Variants in SPMIP7 observed in about 807,000 individuals in gnomAD.
The protein encoded by SPMIP7 is sperm microtubule inner protein 7.
the SPMIP7 span, among the ~76,000 whole-genome samples, chr7:50,143,970 T>C: frequency 6.6e-6 from 1 of 152,238 alleles, no homozygotes; most frequent in Non-Finnish European, 1.5e-5. Flanking sequence ...TTAGGTTACA[T>C]ATGTAAATTG....
At chr7:50,132,090 T>TA in the SPMIP7 span, among the ~76,000 whole-genome samples, 1 of 152,078 alleles carries the variant, frequency 6.6e-6, no homozygotes, top group African/African-American at 2.4e-5. Context: ...TGAAAACACT[T>TA]AAAAACATGA....
chr7:50,145,318 A>T, the SPMIP7 span, among the ~76,000 whole-genome samples: 4 of 151,310 alleles, frequency 2.6e-5, no homozygotes, highest in South Asian at 2.1e-4. Flanking sequence ...CCTCTTCAGT[A>T]TAAGATCCAT....
At chr7:50,125,692 C>G in the SPMIP7 span, among the ~76,000 whole-genome samples, 3 of 150,520 alleles carry the variant, frequency 2.0e-5, no homozygotes, top group Non-Finnish European at 4.4e-5. Flanking sequence ...ATGGATGAAC[C>G]TGAAGGACAT....
the SPMIP7 span, among the ~76,000 whole-genome samples, chr7:50,157,870 G>A: frequency 2.0e-5 from 3 of 150,556 alleles, no homozygotes; most frequent in South Asian, 6.4e-4. Context: ...AACTTCACTT[G>A]CAAAGCATTC....
the SPMIP7 span, among the ~76,000 whole-genome samples, chr7:50,119,276 T>G: frequency 6.6e-6 from 1 of 152,196 alleles, no homozygotes; most frequent in Non-Finnish European, 1.5e-5. Context: ...GTTTGAGAAT[T>G]GAAGGTAAAC....
chr7:50,136,184 A>G, the SPMIP7 span: 2 of 1,505,656 alleles, frequency 1.3e-6, no homozygotes, highest in East Asian at 2.5e-5. Context: ...TATCTCCTAA[A>G]GTTCTCACAC....
the SPMIP7 span, among the ~76,000 whole-genome samples, chr7:50,110,578 T>C: frequency 7.0e-6 from 1 of 142,740 alleles, no homozygotes; most frequent in Non-Finnish European, 1.5e-5. Context: ...TAATATTTAC[T>C]ACATTTACAT....
chr7:50,122,748 T>G, the SPMIP7 span, among the ~76,000 whole-genome samples: 1 of 151,944 alleles, frequency 6.6e-6, no homozygotes, highest in East Asian at 1.9e-4. Context: ...CATCAAAAAG[T>G]GGGCAAAGGA....
chr7:50,131,374 A>G, the SPMIP7 span, among the ~76,000 whole-genome samples: 3 of 152,176 alleles, frequency 2.0e-5, no homozygotes, highest in Non-Finnish European at 4.4e-5. Flanking sequence ...AGTTTTACAT[A>G]CATTGAATAT....
the SPMIP7 span, among the ~76,000 whole-genome samples, chr7:50,127,878 G>A: frequency 6.6e-6 from 1 of 151,836 alleles, no homozygotes; most frequent in Non-Finnish European, 1.5e-5. Context: ...ATGTAAATTA[G>A]TACAGTCACT....
the SPMIP7 span, among the ~76,000 whole-genome samples, chr7:50,146,219 G>C: frequency 6.6e-6 from 1 of 152,206 alleles, no homozygotes; most frequent in African/African-American, 2.4e-5. Context: ...GAAGGTGCAA[G>C]TTCTATCCCC....
chr7:50,110,638 A>G, the SPMIP7 span, among the ~76,000 whole-genome samples: 3 of 137,920 alleles, frequency 2.2e-5, no homozygotes, highest in Non-Finnish European at 4.5e-5. Flanking sequence ...TACATATTAT[A>G]TAAATATATT....
At chr7:50,132,191 T>C in the SPMIP7 span, among the ~76,000 whole-genome samples, 1 of 152,110 alleles carries the variant, frequency 6.6e-6, no homozygotes, top group Non-Finnish European at 1.5e-5. Flanking sequence ...GCTTAAAACA[T>C]ACCTGCTTGC....
At chr7:50,125,121 C>CAA in the SPMIP7 span, among the ~76,000 whole-genome samples, 1 of 52,956 alleles carries the variant, frequency 1.9e-5, no homozygotes, top group Admixed American at 2.2e-4. Flanking sequence ...TATATACACA[C>CAA]ACACACACAC....
chr7:50,122,753 A>G, the SPMIP7 span, among the ~76,000 whole-genome samples: 10 of 152,008 alleles, frequency 6.6e-5, no homozygotes, highest in Admixed American at 2.0e-4. Flanking sequence ...AAAAGTGGGC[A>G]AAGGACATGA....
the SPMIP7 span, chr7:50,117,149 A>G: frequency 4.7e-6 from 2 of 421,442 alleles, no homozygotes; most frequent in South Asian, 3.5e-5. Context: ...TCTGCAAATG[A>G]AAATAGCCTT....
chr7:50,145,844 AGGCAGCT>A, the SPMIP7 span, among the ~76,000 whole-genome samples: 1 of 151,234 alleles, frequency 6.6e-6, no homozygotes, highest in Non-Finnish European at 1.5e-5. Context: ...TTTCCAAACT[AGGCAGCT>A]GCCTATGAGG....
the SPMIP7 span, among the ~76,000 whole-genome samples, chr7:50,157,946 T>G: frequency 2.0e-5 from 3 of 152,202 alleles, no homozygotes; most frequent in African/African-American, 7.2e-5. Flanking sequence ...TAGGGCAAAT[T>G]TATTCCTACT....
At chr7:50,115,637 A>C in the SPMIP7 span, among the ~76,000 whole-genome samples, 3 of 152,204 alleles carry the variant, frequency 2.0e-5, no homozygotes, top group African/African-American at 7.2e-5. Context: ...ACATATGTGC[A>C]CATTTAGAAT....
Sources: allele counts gnomAD v4.1 joint callset (sites outside exome capture counted in the v4.1 genomes callset), GRCh38; gene constraint gnomAD v4.1.1; transcripts MANE v1.5; gene names NCBI Gene and HGNC (gene_info 2026-07-23, HGNC 2026-07-21).